NAXD: variants seen among roughly 807,000 people sequenced by gnomAD.
The protein encoded by NAXD is NAD(P)HX dehydratase.
A neutral mutation model predicts 35.8 loss-of-function variants in NAXD; 22 were observed. That is an observed-to-expected ratio of 0.62 (90% CI 0.44 to 0.88). The LOEUF (loss-of-function observed/expected upper bound fraction) is 0.88. NAXD is among the 40% of genes least tolerant of loss of function. The pLI, the probability that NAXD is intolerant of heterozygous loss-of-function variation, is 0.00. For missense variants in NAXD, 428 were observed against 437.7 expected (o/e 0.98, Z 0.20); for synonymous variants, 189 against 177.6 (o/e 1.06, Z -0.51).
chr13:110,630,179 C>T (rs1354418677), intron 5 of NAXD, among the ~76,000 whole-genome samples: 1 of 152,130 alleles, frequency 6.6e-6, no homozygotes, highest in Non-Finnish European at 1.5e-5. Context: ...CAGGCGCCCA[C>T]CATCACACCC....
intron 2 of NAXD, among the ~76,000 whole-genome samples, chr13:110,622,964 G>T (rs1022296740): frequency 6.6e-6 from 1 of 152,098 alleles, no homozygotes; most frequent in African/African-American, 2.4e-5. Context: ...GCCATAGGGT[G>T]TGTTAGAGTT....
At chr13:110,622,455 C>A in intron 2 of NAXD, 89 bp downstream of exon 2, 1 of 1,341,106 alleles carries the variant, frequency 7.5e-7, no homozygotes, top group Non-Finnish European at 1.0e-6. Context: ...TCTAGTTTGA[C>A]CTCAGTAATC....
chr13:110,638,775 G>T lies in NAXD; in HGVS notation c.*247G>T. ...ATTCCTGAACTTTCCTTAGCTCCTTGGTAGTAACTGGGAAGACAGAAATGA... is the reference window on the plus strand; with the variant it reads ...ATTCCTGAACTTTCCTTAGCTCCTTTGTAGTAACTGGGAAGACAGAAATGA... On this transcript the variant is annotated 3_prime_UTR_variant, in exon 10 of 10. Transcript: ENST00000680254. The surrounding 1 kb of genome is among the most constrained non-coding windows in gnomAD (Gnocchi z 5.4). The T allele has an allele frequency of 1.5e-6, 1 of 661,934 alleles. No homozygotes were observed. Among genetic ancestry groups the T allele is most frequent in the East Asian group, 2.8e-5 (1 of 35,118 alleles). The allele number at this position is 661,934 out of a possible 1,614,324, so 41.0% of individuals were successfully genotyped here.
rs934566909 is a variant in NAXD, at chr13:110,639,087, G to A, written c.*559G>A. On this transcript the variant is annotated 3_prime_UTR_variant, in exon 10 of 10. Transcript: ENST00000680254. ...TGGTGGTATCTGGCTGCTGGTGTTT[G>A]GCTTATTGACATACTCCAGGGTAAT... 6 of 250,766 alleles carry A rather than the reference G, an allele frequency of 2.4e-5. No individual in the cohort carries two copies. Among genetic ancestry groups the A allele is most frequent in the African/African-American group, 9.0e-5 (4 of 44,534 alleles). 15.5% of individuals were successfully genotyped at this position (250,766 alleles called of 1,614,324 possible). A position where few individuals can be genotyped will look rare whatever the true frequency, so the allele number is the denominator to read the frequency against.
intron 1 of NAXD, among the ~76,000 whole-genome samples, chr13:110,619,067 T>G (rs916903823): frequency 1.1e-4 from 17 of 152,332 alleles, no homozygotes; most frequent in Middle Eastern, 3.4e-3. Flanking sequence ...GGTGCTCCCC[T>G]CCACCTGACA....
At chr13:110,615,813 G>C in intron 1 of NAXD, 166 bp downstream of exon 1, 1 of 1,293,114 alleles carries the variant, frequency 7.7e-7, no homozygotes, top group Non-Finnish European at 9.8e-7. Context: ...CTCGCGGGGG[G>C]GAAGCGCCGC....
Position 110,622,204 on chromosome 13 carries a change from C to T in NAXD, c.47-12C>T, listed in dbSNP as rs1416472510. ...TTACCTTTCTGAATTATTCATTTTT[C>T]TTGTCTTTCAGTTTTAGAAAGAGCG... On this transcript the variant is annotated splice_polypyrimidine_tract_variant and intron_variant, in intron 1 of 9. Transcript: ENST00000680254. The T allele has an allele frequency of 6.2e-7, 1 of 1,604,454 alleles. No homozygotes were observed. The highest frequency in any genetic ancestry group is 1.3e-5 in the African/African-American group (1 of 74,844).
intron 8 of NAXD, among the ~76,000 whole-genome samples, chr13:110,636,470 G>A (rs148278455): frequency 3.1e-3 from 471 of 152,140 alleles, no homozygotes; most frequent in Non-Finnish European, 4.2e-3. Context: ...CCTCGCACAC[G>A]CCCTCGCACA....
chr13:110,621,859 A>G (rs531118602), intron 1 of NAXD, among the ~76,000 whole-genome samples: 8 of 151,898 alleles, frequency 5.3e-5, no homozygotes, highest in Admixed American at 2.0e-4. Flanking sequence ...ATGAAACCCT[A>G]TCTCTACTGA....
At chr13:110,634,283 T>G (rs554146721) in intron 5 of NAXD, among the ~76,000 whole-genome samples, 3 of 152,328 alleles carry the variant, frequency 2.0e-5, no homozygotes, top group South Asian at 4.1e-4. Flanking sequence ...AACAGGCGTT[T>G]ACTGGCTCAC....
At chr13:110,634,974 A>G (rs952075450) in intron 7 of NAXD, among the ~76,000 whole-genome samples, 198 bp downstream of exon 7, 3 of 152,218 alleles carry the variant, frequency 2.0e-5, no homozygotes, top group Non-Finnish European at 4.4e-5. Context: ...GGCTTGGGAC[A>G]GGCAGGGACT....
At position 110,628,490 on chromosome 13, in the gene NAXD, A is replaced by G. The variant is rs1368869471; in HGVS notation, c.441+943A>G. Among the ~76,000 whole-genome samples, 1 of 152,204 alleles carries G rather than the reference A, an allele frequency of 6.6e-6. No individual in the cohort carries two copies. Among genetic ancestry groups the G allele is most frequent in the Admixed American group, 6.5e-5 (1 of 15,276 alleles). ...CACCCTGAAAATGCCAGCCATCTGC[A>G]TGGCACTCTGTTGGGTGCTTAGTTA... is the stretch of plus-strand genomic sequence containing the variant. On this transcript the variant is annotated intron_variant, in intron 5 of 9. Coordinates refer to ENST00000680254, the MANE Select transcript of NAXD (RefSeq NM_001242882.2). This position sits in a 1 kb window ranked among gnomAD's most constrained non-coding sequence, Gnocchi z 4.1.
rs1206871916 is a variant in NAXD at position 110,639,421 on chromosome 13, C to A, written c.*893C>A. 6.6e-6 allele frequency: 1 copy of A among 152,590 alleles called. No individual in the cohort carries two copies. Among genetic ancestry groups the A allele is most frequent in the African/African-American group, 2.4e-5 (1 of 41,412 alleles). The allele number at this position is 152,590 out of a possible 1,614,324, so 9.5% of individuals were successfully genotyped here. A position where few individuals can be genotyped will look rare whatever the true frequency, so the allele number is the denominator to read the frequency against. ...TGGTGCAGTGATGGCGCTAAGGAGACCCGGGGAAAGACAGTATCGTGGTCA... is the reference window on the plus strand; with the variant it reads ...TGGTGCAGTGATGGCGCTAAGGAGAACCGGGGAAAGACAGTATCGTGGTCA... On this transcript the variant is annotated 3_prime_UTR_variant, in exon 10 of 10. Coordinates refer to ENST00000680254, the MANE Select transcript of NAXD (RefSeq NM_001242882.2).
rs115871027 is a variant in NAXD, at chr13:110,628,026, C to T, written c.441+479C>T. Among the ~76,000 whole-genome samples, 200 of 152,322 alleles carry T rather than the reference C, an allele frequency of 1.3e-3. No individual in the cohort carries two copies. Among genetic ancestry groups the T allele is most frequent in the African/African-American group, 4.6e-3 (190 of 41,570 alleles). On this transcript the variant is annotated intron_variant, in intron 5 of 9. Transcript: ENST00000680254. This position sits in a 1 kb window ranked among gnomAD's most constrained non-coding sequence, Gnocchi z 4.1. ...GCTTGTCCGTGCCCACATGCATATG[C>T]GCATGGACTCTCATTTATGCTGGTA... is the stretch of plus-strand genomic sequence containing the variant.
At chr13:110,637,340 A>T in intron 9 of NAXD, 91 bp downstream of exon 9, 2 of 1,451,418 alleles carry the variant, frequency 1.4e-6, no homozygotes, top group Non-Finnish European at 1.9e-6. Context: ...GTAGCCCTGG[A>T]AACACTGACA....
chr13:110,623,983 CAA>C (rs1886362587), intron 2 of NAXD, among the ~76,000 whole-genome samples: 1 of 135,030 alleles, frequency 7.4e-6, no homozygotes, highest in East Asian at 2.1e-4. Flanking sequence ...GCCTGGGCAA[CAA>C]GAGTGAAACT....
intron 8 of NAXD, among the ~76,000 whole-genome samples, chr13:110,636,605 T>C (rs1886937272): frequency 6.6e-6 from 1 of 152,246 alleles, no homozygotes; most frequent in Non-Finnish European, 1.5e-5. Context: ...GTTCAGAGAA[T>C]GTAACACCTG....
chr13:110,626,457 G>A (rs1027861623), intron 4 of NAXD, among the ~76,000 whole-genome samples: 3 of 151,898 alleles, frequency 2.0e-5, no homozygotes, highest in Admixed American at 6.6e-5. Flanking sequence ...TCCAAGGGAC[G>A]TGGCTAGAGG....
At chr13:110,632,002 A>C (rs2139646609) in intron 5 of NAXD, among the ~76,000 whole-genome samples, 1 of 152,308 alleles carries the variant, frequency 6.6e-6, no homozygotes, top group Non-Finnish European at 1.5e-5. Flanking sequence ...CTTAGCATGT[A>C]TTTTTATGTC....
Sources: gnomAD v4.1 joint callset for allele counts (sites outside exome capture counted in the v4.1 genomes callset) on GRCh38, gnomAD v4.1.1 for gene constraint, Gnocchi (gnomAD v3.1) non-coding constraint, MANE v1.5 for transcripts, NCBI Gene and HGNC (gene_info 2026-07-23, HGNC 2026-07-21) for gene names.